The following RAB11FIP2 variants were observed in gnomAD, a reference collection of about 807,000 sequenced individuals.
RAB11FIP2 encodes rab11 family-interacting protein 2.
Under a neutral mutation model 40.9 loss-of-function variants are expected in RAB11FIP2, and 16 were observed. The ratio of observed to expected loss-of-function variants is 0.39; its 90% CI spans 0.26 to 0.59. RAB11FIP2 has a LOEUF of 0.59. RAB11FIP2 is among the 20% of genes least tolerant of loss of function. The pLI is 0.53. For synonymous variants in RAB11FIP2, 228 were observed against 213.7 expected (o/e 1.07, Z -0.58); for missense variants, 532 against 606.2 (o/e 0.88, Z 1.28).
intron 3 of RAB11FIP2, among the ~76,000 whole-genome samples, chr10:118,017,134 C>T (rs934170390): frequency 4.6e-5 from 7 of 152,188 alleles, no homozygotes; most frequent in Middle Eastern, 3.4e-3. Flanking sequence ...AGGTAACTTG[C>T]GTGTGGTCAT....
rs1228667697 is a variant in RAB11FIP2 at position 118,005,370 on chromosome 10, T to G, written c.*3628A>C. 1 of 152,654 alleles carries G rather than the reference T, an allele frequency of 6.6e-6. No homozygotes were observed. The highest frequency in any genetic ancestry group is 1.9e-4 in the East Asian group (1 of 5,200). 9.5% of individuals were successfully genotyped at this position (152,654 alleles called of 1,614,324 possible). On this transcript the variant is annotated 3_prime_UTR_variant, in exon 5 of 5. Coordinates refer to ENST00000355624, the MANE Select transcript of RAB11FIP2 (RefSeq NM_014904.3). ...ATTAAATATATCAGAAAATGCTTCATATGCAGATTAATTAGCTAAGGTGCT... is the reference window on the plus strand; with the variant it reads ...ATTAAATATATCAGAAAATGCTTCAGATGCAGATTAATTAGCTAAGGTGCT...
intron 3 of RAB11FIP2, among the ~76,000 whole-genome samples, chr10:118,032,477 C>T (rs919168375): frequency 2.0e-5 from 3 of 151,878 alleles, no homozygotes; most frequent in African/African-American, 7.3e-5. Context: ...TCTGTTTTAG[C>T]CAAGCTAACT....
intron 3 of RAB11FIP2, among the ~76,000 whole-genome samples, chr10:118,023,864 G>A (rs554999824): frequency 5.9e-5 from 9 of 152,136 alleles, no homozygotes; most frequent in East Asian, 1.9e-4. Flanking sequence ...GGAGGCAGGC[G>A]GATCACTTGA....
chr10:118,024,448 C>T (rs970670612), intron 3 of RAB11FIP2, among the ~76,000 whole-genome samples: 10 of 146,966 alleles, frequency 6.8e-5, no homozygotes, highest in South Asian at 2.2e-4. Flanking sequence ...CCACCTTCTA[C>T]GTATCCATTA....
At position 118,040,433 on chromosome 10, in the gene RAB11FIP2, A is replaced by C; in HGVS notation, c.486T>G (p.Ser162=). The change falls in exon 2 of 5, where the codon TCT becomes TCG. Residue 162 remains serine, a synonymous_variant. Transcript: ENST00000355624. ...FDLSMKDKTR[S]PFAKLKDKMK... ...TCTTATCTTTTAACTTTGCAAAAGG[A>C]GATCTGGTTTTGTCCTTCATTGATA... 1 of 1,613,766 alleles carries C rather than the reference A, an allele frequency of 6.2e-7. No individual in the cohort carries two copies. The highest frequency in any genetic ancestry group is 8.5e-7 in the Non-Finnish European group (1 of 1,179,732).
At position 118,006,049 on chromosome 10, in the gene RAB11FIP2, C is replaced by T. The variant is rs188849769; in HGVS notation, c.*2949G>A. 6.6e-6 allele frequency: 1 copy of T among 152,604 alleles called. No individual in the cohort carries two copies. The highest frequency in any genetic ancestry group is 1.9e-4 in the East Asian group (1 of 5,186). The allele number at this position is 152,604 out of a possible 1,614,324, so 9.5% of individuals were successfully genotyped here. ...CAGGGGACAATGGCAAAACTAGGCTCAATGCAGAACATAGCAGCAAAAAGC... is the reference window on the plus strand; with the variant it reads ...CAGGGGACAATGGCAAAACTAGGCTTAATGCAGAACATAGCAGCAAAAAGC... On this transcript the variant is annotated 3_prime_UTR_variant, in exon 5 of 5. Coordinates refer to ENST00000355624, the MANE Select transcript of RAB11FIP2 (RefSeq NM_014904.3).
intron 3 of RAB11FIP2, among the ~76,000 whole-genome samples, 158 bp from the exon 4 acceptor site, chr10:118,015,268 T>C (rs1291952615): frequency 1.3e-5 from 2 of 152,192 alleles, no homozygotes; most frequent in Admixed American, 1.3e-4. Context: ...AAATCCAGTA[T>C]TTCCCCAACA....
chr10:118,035,928 A>C (rs955343741), intron 3 of RAB11FIP2, among the ~76,000 whole-genome samples: 1 of 152,102 alleles, frequency 6.6e-6, no homozygotes, highest in African/African-American at 2.4e-5. Context: ...AAGTAACCCA[A>C]GATAATGCCT....
chr10:118,039,469 A>T lies in RAB11FIP2; in HGVS notation c.797-29T>A, dbSNP rs558501336. Reference sequence around the variant, plus strand: ...CAAACAATTTTGTAGTTAGTACATAATCAGTGACACATTACATCACACTAT... The same window carrying T: ...CAAACAATTTTGTAGTTAGTACATATTCAGTGACACATTACATCACACTAT... On this transcript the variant is annotated intron_variant, in intron 2 of 4. Transcript: ENST00000355624. The T allele has an allele frequency of 8.8e-5, 137 of 1,551,388 alleles. 1 individual carries two copies. In the South Asian group the frequency reaches 1.0e-3, roughly 11 times the overall value.
chr10:118,013,848 C>T (rs1295598436), intron 4 of RAB11FIP2, among the ~76,000 whole-genome samples: 4 of 152,004 alleles, frequency 2.6e-5, no homozygotes, highest in African/African-American at 4.8e-5. Context: ...TACAAGCAAT[C>T]GAAATTGTAA....
intron 4 of RAB11FIP2, among the ~76,000 whole-genome samples, chr10:118,012,306 C>T (rs971396103): frequency 1.3e-5 from 2 of 151,638 alleles, no homozygotes; most frequent in East Asian, 1.9e-4. Flanking sequence ...ATAAATTTTC[C>T]GTTTGTCCTT....
At chr10:118,025,681 A>C (rs1047641402) in intron 3 of RAB11FIP2, among the ~76,000 whole-genome samples, 10 of 152,222 alleles carry the variant, frequency 6.6e-5, no homozygotes, top group Non-Finnish European at 1.5e-4. Context: ...CATACTAATA[A>C]GGTCACATCT....
At chr10:118,011,171 G>C (rs1846150063) in intron 4 of RAB11FIP2, among the ~76,000 whole-genome samples, 1 of 152,054 alleles carries the variant, frequency 6.6e-6, no homozygotes, top group South Asian at 2.1e-4. Flanking sequence ...ATATTAAAGG[G>C]AAGTGAGTTT....
chr10:118,015,992 T>C (rs932521843), intron 3 of RAB11FIP2, among the ~76,000 whole-genome samples: 37 of 152,368 alleles, frequency 2.4e-4, no homozygotes, highest in Non-Finnish European at 3.5e-4. Context: ...GTAAAATAAC[T>C]GGCATCCTTT....
chr10:118,025,868 T>C (rs780459303), intron 3 of RAB11FIP2, among the ~76,000 whole-genome samples: 2 of 152,216 alleles, frequency 1.3e-5, no homozygotes, highest in Non-Finnish European at 2.9e-5. Flanking sequence ...CTGCCTAACC[T>C]TATCCATCTA....
intron 4 of RAB11FIP2, among the ~76,000 whole-genome samples, chr10:118,011,447 T>G (rs912875638): frequency 1.3e-5 from 2 of 151,960 alleles, no homozygotes; most frequent in Non-Finnish European, 2.9e-5. Context: ...GGTCATAATA[T>G]ATAGTTTGGA....
rs2133187374 is a variant in RAB11FIP2 at position 118,045,948 on chromosome 10, T to C, written c.216A>G (p.Leu72=). ...EEASFELPGL[L]IQGSPEKYIL... ...TGTATTTCTCTGGACTTCCCTGAAT[T>C]AGCAATCCAGGTAGCTCGAAAGAGG... Residue 72 remains leucine (L), a synonymous_variant, in exon 1 of 5, where the codon CTA becomes CTG. Transcript: ENST00000355624. The C allele has an allele frequency of 4.3e-6, 7 of 1,614,226 alleles. No homozygotes were observed. The highest frequency in any genetic ancestry group is 5.9e-6 in the Non-Finnish European group (7 of 1,180,034).
At chr10:118,039,598 G>T in intron 2 of RAB11FIP2, 158 bp from the exon 3 acceptor site, 1 of 657,858 alleles carries the variant, frequency 1.5e-6, no homozygotes, top group Non-Finnish European at 2.6e-6. Context: ...AAAATGCTAA[G>T]GTGTAGCAGT....
chr10:118,033,123 A>G (rs1417178063), intron 3 of RAB11FIP2, among the ~76,000 whole-genome samples: 3 of 152,152 alleles, frequency 2.0e-5, no homozygotes, highest in African/African-American at 7.2e-5. Flanking sequence ...GCCTGGTTTC[A>G]GGAATCCACT....
Sources: allele counts gnomAD v4.1 joint callset (sites outside exome capture counted in the v4.1 genomes callset), GRCh38; gene constraint gnomAD v4.1.1; transcripts MANE v1.5; gene names NCBI Gene and HGNC (gene_info 2026-07-23, HGNC 2026-07-21).